UNC5B: variants seen among roughly 807,000 people sequenced by gnomAD.
The protein encoded by UNC5B is unc-5 netrin receptor B, also known as netrin receptor UNC5B.
UNC5B carries 56 observed loss-of-function variants against 103.7 expected under a neutral mutation model. That is an observed-to-expected ratio of 0.54 (90% CI 0.44 to 0.67). The LOEUF (loss-of-function observed/expected upper bound fraction) is 0.67, where lower values mean the gene tolerates loss of function less well. UNC5B is among the 30% of genes least tolerant of loss of function. The pLI is 0.00. For missense variants in UNC5B, 1,194 were observed against 1,284.5 expected, an observed-to-expected ratio of 0.93 and a Z score of 1.08; for synonymous variants, 577 against 542.0, an observed-to-expected ratio of 1.06 and a Z score of -0.90.
At chr10:71,221,716 C>T (rs1843455973) in intron 1 of UNC5B, among the ~76,000 whole-genome samples, 1 of 152,104 alleles carries the variant, frequency 6.6e-6, no homozygotes, top group South Asian at 2.1e-4. Flanking sequence ...CAAGCATGAG[C>T]CAAGATGTGT....
At chr10:71,224,966 A>G (rs1270122119) in intron 1 of UNC5B, among the ~76,000 whole-genome samples, 1 of 152,212 alleles carries the variant, frequency 6.6e-6, no homozygotes, top group African/African-American at 2.4e-5. Context: ...GATACAGTTC[A>G]GGAAGTCCTG....
intron 1 of UNC5B, among the ~76,000 whole-genome samples, chr10:71,222,926 T>G (rs1843480360): frequency 1.3e-5 from 2 of 152,168 alleles, no homozygotes; most frequent in South Asian, 4.1e-4. Context: ...TACAAGAAAT[T>G]GAGTCAGGAA....
At chr10:71,237,623 T>G (rs1191635773) in intron 1 of UNC5B, among the ~76,000 whole-genome samples, 1 of 152,228 alleles carries the variant, frequency 6.6e-6, no homozygotes, top group Non-Finnish European at 1.5e-5. Context: ...ACTATTATTA[T>G]GCAAGGTGTT....
At chr10:71,272,914 GA>G (rs1488774062) in intron 1 of UNC5B, among the ~76,000 whole-genome samples, 1 of 144,198 alleles carries the variant, frequency 6.9e-6, no homozygotes, top group Non-Finnish European at 1.5e-5. Flanking sequence ...TTTTGAGATG[GA>G]GTCTTGCTCC....
intron 9 of UNC5B, 135 bp from the exon 10 acceptor site, chr10:71,291,297 G>C: frequency 1.4e-6 from 2 of 1,412,424 alleles, no homozygotes; most frequent in South Asian, 2.8e-5. Context: ...CCCAGGCTGC[G>C]GGATTCCCAA....
Position 71,289,712 on chromosome 10 carries a change from T to C in UNC5B, c.1099+722T>C, listed in dbSNP as rs140161644. On this transcript the variant is annotated intron_variant, in intron 8 of 16. Coordinates refer to ENST00000335350, the MANE Select transcript of UNC5B (RefSeq NM_170744.5). Reference sequence around the variant, plus strand: ...AGTGGCCCCAGTGTCAGTGAAGGCATTAGGAGGCAGAGCCAAGCTGGGGGA... The same window carrying C: ...AGTGGCCCCAGTGTCAGTGAAGGCACTAGGAGGCAGAGCCAAGCTGGGGGA... Among the ~76,000 whole-genome samples the C allele has an allele frequency of 9.1e-4, 139 of 152,276 alleles. 2 individuals carry two copies. The highest frequency in any genetic ancestry group is 3.1e-3 in the African/African-American group (130 of 41,560).
At chr10:71,246,208 C>T (rs994147796) in intron 1 of UNC5B, among the ~76,000 whole-genome samples, 5 of 152,192 alleles carry the variant, frequency 3.3e-5, no homozygotes, top group African/African-American at 1.2e-4. Context: ...GGAGTTCATT[C>T]GTCAACAAGA....
rs368101764 is a variant in UNC5B at position 71,225,866 on chromosome 10, G to GC, written c.79+12803dup. Among the ~76,000 whole-genome samples the GC allele has an allele frequency of 1.8e-3, 274 of 152,206 alleles. 1 individual carries two copies. The highest frequency in any genetic ancestry group is 2.9e-3 in the Non-Finnish European group (200 of 68,018). On this transcript the variant is annotated intron_variant, in intron 1 of 16. Coordinates refer to ENST00000335350, the MANE Select transcript of UNC5B (RefSeq NM_170744.5). ...TGCCACACAGACTTGAGGACACCCT[G>GC]CAGACACTACCTGCTGGCAGCACAC...
In UNC5B at chr10:71,299,390, A is replaced by G; in HGVS notation, c.*113A>G. 1 of 1,373,098 alleles carries G rather than the reference A, an allele frequency of 7.3e-7. No homozygotes were observed. The allele number at this position is 1,373,098 out of a possible 1,614,324, so 85.1% of individuals were successfully genotyped here. On this transcript the variant is annotated 3_prime_UTR_variant, in exon 17 of 17. Coordinates refer to ENST00000335350, the MANE Select transcript of UNC5B (RefSeq NM_170744.5). ...CTGCTTCCTCCCAGTTCACAGCCAG[A>G]GTTGCCTCTCCTCCTCCTCTTCCCC...
chr10:71,226,136 A>G (rs913528204), intron 1 of UNC5B, among the ~76,000 whole-genome samples: 13 of 152,072 alleles, frequency 8.5e-5, no homozygotes, highest in Admixed American at 7.9e-4. Context: ...GTGCAGTGGC[A>G]CCATCTCGGC....
Position 71,227,426 on chromosome 10 carries a change from G to C in UNC5B, c.79+14362G>C, listed in dbSNP as rs1843586582. Among the ~76,000 whole-genome samples, 11 of 151,834 alleles carry C rather than the reference G, an allele frequency of 7.2e-5. No homozygotes were observed. The South Asian group carries it at 2.3e-3, about 32-fold the overall frequency. The stretch of plus-strand genomic sequence containing the variant: ...ACTTTAGGGAGATGGGGGAAATGTG[G>C]GAGGGGGTGAGGGATAAAAGACTAC... On this transcript the variant is annotated intron_variant, in intron 1 of 16. Coordinates refer to ENST00000335350, the MANE Select transcript of UNC5B (RefSeq NM_170744.5).
intron 1 of UNC5B, among the ~76,000 whole-genome samples, chr10:71,272,033 T>C (rs1844658380): frequency 2.6e-5 from 4 of 152,126 alleles, no homozygotes; most frequent in Admixed American, 2.6e-4. Context: ...GAGGAAGAGC[T>C]TTGTGTCCAG....
At chr10:71,257,308 C>A (rs2132277087) in intron 1 of UNC5B, among the ~76,000 whole-genome samples, 1 of 152,344 alleles carries the variant, frequency 6.6e-6, no homozygotes, top group East Asian at 1.9e-4. Context: ...ATGCCTACCT[C>A]AAAGGGTAAG....
chr10:71,267,352 A>T (rs1307042002), intron 1 of UNC5B, among the ~76,000 whole-genome samples: 1 of 152,170 alleles, frequency 6.6e-6, no homozygotes, highest in Non-Finnish European at 1.5e-5. Flanking sequence ...AAAAATCCCT[A>T]TAGTCATCAA....
At chr10:71,297,879 C>G (rs758709892) in intron 15 of UNC5B, 30 bp from the exon 16 acceptor site, 9 of 1,594,360 alleles carry the variant, frequency 5.6e-6, no homozygotes, top group Non-Finnish European at 4.3e-6. Context: ...AGCACTGTGC[C>G]CCTCTCACTC....
At position 71,284,875 on chromosome 10, in the gene UNC5B, T is replaced by C; in HGVS notation, c.448+12T>C. Reference sequence around the variant, plus strand: ...CGTCCGCATCGCCTGTACGCCACCCTGACCCCCACCCTGTCCCTGCAGGAA... The same window carrying C: ...CGTCCGCATCGCCTGTACGCCACCCCGACCCCCACCCTGTCCCTGCAGGAA... On this transcript the variant is annotated intron_variant, in intron 3 of 16. Transcript: ENST00000335350. The C allele has an allele frequency of 1.9e-6, 3 of 1,584,676 alleles. No individual in the cohort carries two copies. The highest frequency in any genetic ancestry group is 2.6e-6 in the Non-Finnish European group (3 of 1,165,982).
intron 1 of UNC5B, among the ~76,000 whole-genome samples, chr10:71,264,971 TAAAA>T (rs34240729): frequency 8.3e-5 from 10 of 120,824 alleles, no homozygotes; most frequent in East Asian, 2.4e-4. Flanking sequence ...CCTGTCTCTA[TAAAA>T]AAAAAAAAAA....
rs202098230 is a variant in UNC5B at position 71,288,555 on chromosome 10, C to T, written c.902-13C>T. ...TCTGCGTGCACATGCTCCTGTATGC[C>T]ATGCTCTTACAGTCGATGGGGCGTG... On this transcript the variant is annotated splice_polypyrimidine_tract_variant and intron_variant, in intron 6 of 16. Transcript: ENST00000335350. 45 of 1,609,432 alleles carry T rather than the reference C, an allele frequency of 2.8e-5. No individual in the cohort carries two copies. In the African/African-American group the frequency reaches 6.0e-4, roughly 21 times the overall value.
At chr10:71,294,041 C>T in intron 13 of UNC5B, 108 bp downstream of exon 13, 1 of 1,021,930 alleles carries the variant, frequency 9.8e-7, no homozygotes, top group Middle Eastern at 3.2e-4. Flanking sequence ...CCCTCCCCGC[C>T]ACCAGCATTA....
Sources: gnomAD v4.1 joint callset for allele counts (sites outside exome capture counted in the v4.1 genomes callset) on GRCh38, gnomAD v4.1.1 for gene constraint, MANE v1.5 for transcripts, NCBI Gene and HGNC (gene_info 2026-07-23, HGNC 2026-07-21) for gene names.